NIM1K: variants seen among roughly 807,000 people sequenced by gnomAD.
NIM1K encodes serine/threonine-protein kinase NIM1.
In NIM1K, 35 loss-of-function variants were observed where a neutral mutation model predicts 37.1. The observed-to-expected ratio is 0.94, with a 90% CI of 0.72 to 1.25. The LOEUF (loss-of-function observed/expected upper bound fraction) is 1.25. Ranked by LOEUF, NIM1K falls within the 50% of genes most tolerant of loss-of-function variation. NIM1K has a pLI of 0.00. For synonymous variants in NIM1K, 234 were observed against 206.6 expected, an observed-to-expected ratio of 1.13 and a Z score of -1.14; for missense variants, 564 against 548.0, an observed-to-expected ratio of 1.03 and a Z score of -0.29.
chr5:43,232,233 C>T (rs1321963065), intron 1 of NIM1K: 5 of 1,041,218 alleles, frequency 4.8e-6, no homozygotes, highest in Admixed American at 1.8e-5. Flanking sequence ...AGGCAGCAAG[C>T]CATGTATTTA....
chr5:43,195,494 TA>T lies in NIM1K; in HGVS notation c.-695+3088del, dbSNP rs1406125933. ...GCAACATGGTGAGACCTTGTCTCTA[TA>T]AAAATTTTTTAAAAATTAGCTGGGT... On this transcript the variant is annotated intron_variant, in intron 1 of 3. Transcript: ENST00000326035. Among the ~76,000 whole-genome samples, 3 of 151,962 alleles carry T rather than the reference TA, an allele frequency of 2.0e-5. No individual in the cohort carries two copies. The East Asian group carries it at 5.8e-4, about 29-fold the overall frequency.
chr5:43,260,990 T>G (rs1212160156), intron 2 of NIM1K, among the ~76,000 whole-genome samples: 1 of 152,228 alleles, frequency 6.6e-6, no homozygotes, highest in Admixed American at 6.5e-5. Context: ...TATGCCACAT[T>G]TTCTTAATCC....
At chr5:43,232,192 G>A (rs994251432) in intron 1 of NIM1K, 77 of 989,494 alleles carry the variant, frequency 7.8e-5, no homozygotes, top group Admixed American at 5.8e-4. Flanking sequence ...CAGCATTGAC[G>A]TCTTTGAGAA....
intron 1 of NIM1K, among the ~76,000 whole-genome samples, chr5:43,218,536 G>A (rs1418538853): frequency 6.6e-6 from 1 of 152,052 alleles, no homozygotes; most frequent in Non-Finnish European, 1.5e-5. Context: ...GAGAGAGGGA[G>A]TGAAAGAGAG....
intron 1 of NIM1K, among the ~76,000 whole-genome samples, chr5:43,226,786 C>G (rs1384525465): frequency 6.6e-6 from 1 of 152,170 alleles, no homozygotes; most frequent in African/African-American, 2.4e-5. Context: ...AGGCTTAACT[C>G]ACACAAATGA....
rs79218090 is a variant in NIM1K at position 43,251,477 on chromosome 5, C to T, written c.292+5410C>T. ...ATCTAGTCCTTCCATGTTTTACAAA[C>T]GAGGAGATGGAGGCTCAGAAGAGGC... On this transcript the variant is annotated intron_variant, in intron 2 of 3. Transcript: ENST00000326035. Among the ~76,000 whole-genome samples, 1,406 of 152,168 alleles carry T rather than the reference C, an allele frequency of 9.2e-3. 54 individuals are homozygous for T. The highest frequency in any genetic ancestry group is 0.068 in the Admixed American group (1,042 of 15,272).
intron 1 of NIM1K, among the ~76,000 whole-genome samples, chr5:43,217,708 A>ATTTTTTTTTT (rs71608698): frequency 1.1e-5 from 1 of 93,648 alleles, no homozygotes; most frequent in African/African-American, 4.3e-5. Context: ...TCCTCTGTCT[A>ATTTTTTTTTT]TTTTTTTTTT....
At chr5:43,264,655 T>C (rs551575190) in intron 2 of NIM1K, among the ~76,000 whole-genome samples, 129 of 152,342 alleles carry the variant, frequency 8.5e-4, no homozygotes, top group African/African-American at 3.0e-3. Context: ...AATTTGATCC[T>C]GTCAGTATGA....
chr5:43,234,434 T>C (rs1406669036), intron 1 of NIM1K, among the ~76,000 whole-genome samples: 1 of 152,136 alleles, frequency 6.6e-6, no homozygotes, highest in Non-Finnish European at 1.5e-5. Flanking sequence ...ACATTACAAC[T>C]CTCCATGTAC....
chr5:43,263,085 T>C (rs1391183791), intron 2 of NIM1K, among the ~76,000 whole-genome samples: 4 of 152,184 alleles, frequency 2.6e-5, no homozygotes, highest in Non-Finnish European at 5.9e-5. Context: ...TTTTGTTGTG[T>C]CTCTTCCAGG....
intron 1 of NIM1K, among the ~76,000 whole-genome samples, chr5:43,213,530 G>C (rs1270149604): frequency 6.6e-6 from 1 of 151,726 alleles, no homozygotes; most frequent in African/African-American, 2.4e-5. Context: ...GTCTCGCTCT[G>C]TCACCCAGGC....
chr5:43,258,088 T>A (rs1241483749), intron 2 of NIM1K, among the ~76,000 whole-genome samples: 1 of 152,210 alleles, frequency 6.6e-6, no homozygotes, highest in East Asian at 1.9e-4. Flanking sequence ...CTCCACCTGC[T>A]CGTCATCCTC....
chr5:43,236,602 C>G (rs540950948), intron 1 of NIM1K, among the ~76,000 whole-genome samples: 2 of 152,378 alleles, frequency 1.3e-5, no homozygotes, highest in South Asian at 4.1e-4. Context: ...GGCTGCCTCA[C>G]CACGCCAGGC....
rs556819977 is a variant in NIM1K at position 43,277,761 on chromosome 5, T to C, written c.561+436T>C. 4.6e-3 allele frequency among the ~76,000 whole-genome samples: 691 copies of C among 149,110 alleles called. 4 individuals carry two copies. The highest frequency in any genetic ancestry group is 0.016 in the African/African-American group (659 of 40,218). On this transcript the variant is annotated intron_variant, in intron 3 of 3. Transcript: ENST00000326035. Reference sequence around the variant, plus strand: ...CAGCTTGGTTCTCTCTCTCTCTCTCTCCCCCACCCCCCCTCTCCGTGTGTG... The same window carrying C: ...CAGCTTGGTTCTCTCTCTCTCTCTCCCCCCCACCCCCCCTCTCCGTGTGTG...
chr5:43,242,496 C>G (rs945641839), intron 1 of NIM1K, among the ~76,000 whole-genome samples: 3 of 151,764 alleles, frequency 2.0e-5, no homozygotes, highest in African/African-American at 7.3e-5. Flanking sequence ...TCACAGTTCT[C>G]AGGGGGATGA....
intron 2 of NIM1K, among the ~76,000 whole-genome samples, chr5:43,256,102 A>G (rs1752942065): frequency 6.6e-6 from 1 of 152,036 alleles, no homozygotes; most frequent in African/African-American, 2.4e-5. Flanking sequence ...CACAAAGGGA[A>G]CCAGGGATTT....
At chr5:43,251,037 A>C (rs189753391) in intron 2 of NIM1K, among the ~76,000 whole-genome samples, 1 of 152,164 alleles carries the variant, frequency 6.6e-6, no homozygotes, top group African/African-American at 2.4e-5. Flanking sequence ...TTGTTGGGGA[A>C]ATTGGAAATA....
Position 43,280,596 on chromosome 5 carries a change from G to C in NIM1K, c.1178G>C (p.Arg393Thr), listed in dbSNP as rs767594292. The C allele has an allele frequency of 1.9e-5, 30 of 1,614,128 alleles. No homozygotes were observed. In the East Asian group the frequency reaches 5.8e-4, roughly 31 times the overall value. ...ITGVYRIILH[R>T]VQRKKALESV... ...GGGGTCTATAGAATTATTTTACATA[G>C]AGTCCAAAGGAAGAAGGCTTTGGAA... The change falls in exon 4 of 4, where the codon AGA (arginine) becomes ACA (threonine). Residue 393 changes from arginine to threonine, a missense_variant. By Grantham distance (71) the Arg-to-Thr change is moderately conservative (BLOSUM62 -1). Coordinates refer to ENST00000326035, the MANE Select transcript of NIM1K (RefSeq NM_153361.4).
At chr5:43,207,021 T>C (rs1238526730) in intron 1 of NIM1K, 5 of 745,126 alleles carry the variant, frequency 6.7e-6, no homozygotes, top group Non-Finnish European at 1.3e-5. Flanking sequence ...GTAAAACAAT[T>C]ACCACCTAAG....
Sources: allele counts gnomAD v4.1 joint callset (sites outside exome capture counted in the v4.1 genomes callset), GRCh38; gene constraint gnomAD v4.1.1; transcripts MANE v1.5; gene names NCBI Gene and HGNC (gene_info 2026-07-23, HGNC 2026-07-21).